PRSS23: variants seen among roughly 807,000 people sequenced by gnomAD.
PRSS23 encodes serine protease 23.
In PRSS23, 25 loss-of-function variants were observed where a neutral mutation model predicts 34.7. That is an observed-to-expected ratio of 0.72 (90% CI 0.53 to 1.01). The LOEUF (loss-of-function observed/expected upper bound fraction) is 1.01, where lower values mean the gene tolerates loss of function less well. PRSS23 is among the 50% of genes least tolerant of loss of function. The pLI is 0.00. For synonymous variants in PRSS23, 176 were observed against 186.6 expected, an observed-to-expected ratio of 0.94 and a Z score of 0.46; for missense variants, 445 against 475.6, an observed-to-expected ratio of 0.94 and a Z score of 0.60.
chr11:86,921,268 C>T (rs1949045771), intron 2 of PRSS23: 2 of 152,166 alleles, frequency 1.3e-5, no homozygotes, highest in Admixed American at 6.5e-5. Context: ...TGACATTTGT[C>T]TTCTTATCTG....
At chr11:86,937,094 C>T (rs899440677) in intron 2 of PRSS23, 4 of 152,288 alleles carry the variant, frequency 2.6e-5, no homozygotes, top group Admixed American at 6.5e-5. Context: ...GATTACGAAC[C>T]TCTCTACTGA....
intron 2 of PRSS23, among the ~76,000 whole-genome samples, chr11:86,885,115 A>G (rs1948793979): frequency 1.3e-5 from 2 of 152,188 alleles, no homozygotes; most frequent in Non-Finnish European, 2.9e-5. Context: ...GTTTGGCCTA[A>G]AATAAGTATT....
chr11:86,881,162 G>C (rs7926980), intron 2 of PRSS23, among the ~76,000 whole-genome samples: 81,441 of 151,858 alleles, frequency 0.54, 23,139 homozygotes, highest in African/African-American at 0.73. Context: ...CTATTAAGTA[G>C]GATATTAACT....
chr11:86,815,780 C>T (rs138934380), downstream of PRSS23, among the ~76,000 whole-genome samples: 1 of 152,094 alleles, frequency 6.6e-6, no homozygotes, highest in African/African-American at 2.4e-5. Flanking sequence ...GACATAGATC[C>T]TCTCCCACAT....
chr11:86,819,666 T>G (rs1948239316), intron 1 of PRSS23, among the ~76,000 whole-genome samples: 1 of 152,186 alleles, frequency 6.6e-6, no homozygotes, highest in South Asian at 2.1e-4. Flanking sequence ...GTATAGACAC[T>G]CTCTCAGTAT....
intron 2 of PRSS23, among the ~76,000 whole-genome samples, chr11:86,922,932 G>A (rs1949056124): frequency 1.3e-5 from 2 of 152,154 alleles, no homozygotes; most frequent in Admixed American, 6.5e-5. Flanking sequence ...CACTTGAAAT[G>A]TGGTTAGTCT....
chr11:86,839,530 A>G (rs1439960706), intron 2 of PRSS23, among the ~76,000 whole-genome samples: 1 of 152,190 alleles, frequency 6.6e-6, no homozygotes, highest in African/African-American at 2.4e-5. Flanking sequence ...AACACTCTTC[A>G]GGATATTATC....
At chr11:86,805,273 G>A (rs1036112629) in intron 1 of PRSS23, among the ~76,000 whole-genome samples, 1 of 152,104 alleles carries the variant, frequency 6.6e-6, no homozygotes, top group Non-Finnish European at 1.5e-5. Context: ...GCCAGTAGGT[G>A]GGAATAATCA....
At chr11:86,930,857 A>C (rs1949120820) in intron 2 of PRSS23, among the ~76,000 whole-genome samples, 1 of 142,014 alleles carries the variant, frequency 7.0e-6, no homozygotes, top group Non-Finnish European at 1.6e-5. Flanking sequence ...TGAGCAGGTA[A>C]AGTGCTTCAC....
intron 1 of PRSS23, among the ~76,000 whole-genome samples, chr11:86,791,439 A>G (rs1287728572): frequency 1.3e-5 from 2 of 152,210 alleles, no homozygotes; most frequent in African/African-American, 4.8e-5. Context: ...AAAAGGAGGA[A>G]GCAATTTGCT....
At chr11:86,872,475 C>G (rs1948691619) in intron 2 of PRSS23, among the ~76,000 whole-genome samples, 3 of 152,124 alleles carry the variant, frequency 2.0e-5, no homozygotes, top group Admixed American at 2.0e-4. Context: ...CGTACTCTGC[C>G]CATTCCTCCA....
chr11:86,866,631 T>G (rs1263695619), intron 2 of PRSS23, among the ~76,000 whole-genome samples: 1 of 152,222 alleles, frequency 6.6e-6, no homozygotes, highest in Non-Finnish European at 1.5e-5. Flanking sequence ...GATTTCAATG[T>G]GGTTTGTTTG....
chr11:86,875,787 G>A (rs1404763727), intron 2 of PRSS23, among the ~76,000 whole-genome samples: 1 of 152,232 alleles, frequency 6.6e-6, no homozygotes, highest in Admixed American at 6.5e-5. Flanking sequence ...CTGTGAGGAT[G>A]TGCAGAAGGA....
chr11:86,889,659 T>C (rs535714671), intron 2 of PRSS23, among the ~76,000 whole-genome samples: 1 of 152,210 alleles, frequency 6.6e-6, no homozygotes, highest in Non-Finnish European at 1.5e-5. Flanking sequence ...TTGTGGATTA[T>C]GGTTCAACAT....
intron 2 of PRSS23, among the ~76,000 whole-genome samples, chr11:86,892,934 T>C (rs1948851089): frequency 6.6e-6 from 1 of 152,166 alleles, no homozygotes; most frequent in South Asian, 2.1e-4. Context: ...CCAAAATTTA[T>C]GTCTACACTG....
At chr11:86,945,598 C>T (rs1215658804) in intron 2 of PRSS23, 1 of 152,368 alleles carries the variant, frequency 6.6e-6, no homozygotes, top group Non-Finnish European at 1.5e-5. Flanking sequence ...CAAACTGAAT[C>T]CTCTATTTCT....
At chr11:86,821,146 T>C in intron 1 of PRSS23, 1 of 627,642 alleles carries the variant, frequency 1.6e-6, no homozygotes, top group South Asian at 2.3e-5. Flanking sequence ...CCCTTCATGC[T>C]TCACTTTCCC....
chr11:86,876,007 A>T (rs1387809039), intron 2 of PRSS23, among the ~76,000 whole-genome samples: 1 of 152,220 alleles, frequency 6.6e-6, no homozygotes, highest in African/African-American at 2.4e-5. Flanking sequence ...ATGGATTTAA[A>T]TTCTACCTTT....
downstream of PRSS23, among the ~76,000 whole-genome samples, chr11:86,811,529 T>C (rs1948178369): frequency 1.3e-5 from 2 of 152,210 alleles, no homozygotes; most frequent in African/African-American, 4.8e-5. Context: ...AATTTTGAAT[T>C]TTGAAAAGGA....
Sources: gnomAD v4.1 joint callset for allele counts (sites outside exome capture counted in the v4.1 genomes callset) on GRCh38, gnomAD v4.1.1 for gene constraint, MANE v1.5 for transcripts, NCBI Gene and HGNC (gene_info 2026-07-23, HGNC 2026-07-21) for gene names.